The following IDE variants were observed in gnomAD, a reference collection of about 807,000 sequenced individuals.
The protein encoded by IDE is insulin degrading enzyme, also known as insulin-degrading enzyme.
IDE carries 58 observed loss-of-function variants against 133.2 expected under a neutral mutation model. The ratio of observed to expected loss-of-function variants is 0.44; its 90% CI spans 0.35 to 0.54. The LOEUF is 0.54. Ranked by LOEUF, IDE falls within the 20% of genes least tolerant of loss-of-function variation. The probability of loss-of-function intolerance (pLI) is 0.00; values close to 1 mark genes in which losing one functional copy is unlikely to be tolerated. For synonymous variants in IDE, 396 were observed against 421.3 expected, an observed-to-expected ratio of 0.94 and a Z score of 0.73; for missense variants, 981 against 1,234.0, an observed-to-expected ratio of 0.79 and a Z score of 3.07.
chr10:92,456,217 C>T lies in IDE; in HGVS notation c.2896+142G>A, dbSNP rs1844997948. 6.2e-6 allele frequency: 4 copies of T among 649,632 alleles called. No homozygotes were observed. In the South Asian group the frequency reaches 7.2e-5, roughly 12 times the overall value. 40.2% of individuals were successfully genotyped at this position (649,632 alleles called of 1,614,324 possible). On this transcript the variant is annotated intron_variant, in intron 23 of 24. Transcript: ENST00000265986. ...CCTTCACTACCTCATTTCTCTTTTC[C>T]CCTTATATCTGCAGACCTTATCTCC...
At chr10:92,559,134 A>G (rs1436461154) in intron 1 of IDE, 1 of 152,210 alleles carries the variant, frequency 6.6e-6, no homozygotes, top group Non-Finnish European at 1.5e-5. Flanking sequence ...GTTGTCAAGG[A>G]TATAGAGAAA....
chr10:92,557,409 G>A lies in IDE; in HGVS notation c.98+16513C>T, dbSNP rs141339743. Among the ~76,000 whole-genome samples, 313 of 152,120 alleles carry A rather than the reference G, an allele frequency of 2.1e-3. 6 individuals are homozygous for A. Among genetic ancestry groups the A allele is most frequent in the African/African-American group, 7.3e-3 (304 of 41,494 alleles). ...AAATTAGCCAGGCTTGGTGGCGGGC[G>A]CCTGTAGTCCCAGCTACTCAGGAGG... On this transcript the variant is annotated intron_variant, in intron 1 of 24. Transcript: ENST00000265986.
chr10:92,460,985 C>T (rs1157873464), intron 22 of IDE, among the ~76,000 whole-genome samples: 2 of 152,048 alleles, frequency 1.3e-5, no homozygotes, highest in Non-Finnish European at 1.5e-5. Context: ...GGATTACAGG[C>T]GTATGCCACT....
At chr10:92,569,877 A>C (rs191942504) in intron 1 of IDE, among the ~76,000 whole-genome samples, 2 of 152,118 alleles carry the variant, frequency 1.3e-5, no homozygotes, top group African/African-American at 4.8e-5. Context: ...TGGGAGGCCA[A>C]GGTGGGCAGA....
At chr10:92,525,064 C>G (rs1289474066) in intron 4 of IDE, among the ~76,000 whole-genome samples, 2 of 152,164 alleles carry the variant, frequency 1.3e-5, no homozygotes, top group African/African-American at 4.8e-5. Flanking sequence ...AGTTCAAGAC[C>G]AGCCTTGCCA....
intron 6 of IDE, 69 bp downstream of exon 6, chr10:92,509,981 C>T: frequency 1.6e-6 from 1 of 642,102 alleles, no homozygotes; most frequent in South Asian, 2.1e-5. Flanking sequence ...TTCACCTGTT[C>T]TATGGTAAAC....
At chr10:92,555,030 T>C (rs1400006437) in intron 1 of IDE, 2 of 152,196 alleles carry the variant, frequency 1.3e-5, no homozygotes, top group African/African-American at 2.4e-5. Flanking sequence ...CTCCATTGTG[T>C]ACTTCAGTAC....
chr10:92,490,630 A>C (rs772510828), intron 11 of IDE, 35 bp from the exon 12 acceptor site: 1 of 1,217,914 alleles, frequency 8.2e-7, no homozygotes, highest in Non-Finnish European at 1.2e-6. Flanking sequence ...AAAACCCTGT[A>C]AACTCATACT....
intron 1 of IDE, among the ~76,000 whole-genome samples, chr10:92,555,743 G>A (rs1390104248): frequency 3.3e-5 from 5 of 152,144 alleles, no homozygotes. Flanking sequence ...ACTTAATGGT[G>A]ACAGATAATG....
At chr10:92,478,994 C>A (rs1846438370) in intron 15 of IDE, among the ~76,000 whole-genome samples, 1 of 151,908 alleles carries the variant, frequency 6.6e-6, no homozygotes. Context: ...TGGGTAAGAG[C>A]TAAACCTAAA....
intron 3 of IDE, among the ~76,000 whole-genome samples, chr10:92,532,376 CA>C (rs1384441266): frequency 6.6e-6 from 1 of 151,778 alleles, no homozygotes; most frequent in South Asian, 2.1e-4. Flanking sequence ...CACCTTAGGA[CA>C]AACAAGTGAC....
chr10:92,511,796 G>C (rs1848645952), intron 5 of IDE, among the ~76,000 whole-genome samples: 1 of 152,124 alleles, frequency 6.6e-6, no homozygotes, highest in Non-Finnish European at 1.5e-5. Context: ...AATGGAGAAG[G>C]AATATTGTAG....
At position 92,487,185 on chromosome 10, in the gene IDE, A is replaced by T; in HGVS notation, c.1656+11T>A. On this transcript the variant is annotated intron_variant, in intron 13 of 24. Transcript: ENST00000265986. ...CCCCCAAATTTAAAATCACTGATTC[A>T]AACACATTACCTTAATAAGAGCAGG... 6.2e-7 allele frequency: 1 copy of T among 1,604,760 alleles called. No homozygotes were observed. The highest frequency in any genetic ancestry group is 8.5e-7 in the Non-Finnish European group (1 of 1,177,360).
At chr10:92,520,411 G>A (rs1849160013) in intron 4 of IDE, among the ~76,000 whole-genome samples, 2 of 152,048 alleles carry the variant, frequency 1.3e-5, no homozygotes, top group African/African-American at 4.8e-5. Flanking sequence ...ATACTGGGAA[G>A]GAATGAGTTT....
intron 2 of IDE, among the ~76,000 whole-genome samples, 164 bp downstream of exon 2, chr10:92,537,202 A>G (rs1418990459): frequency 6.6e-6 from 1 of 152,230 alleles, no homozygotes. Flanking sequence ...TATTTGACTG[A>G]AACAACTGCA....
intron 12 of IDE, among the ~76,000 whole-genome samples, chr10:92,487,996 T>C (rs1304891888): frequency 1.3e-5 from 2 of 152,116 alleles, no homozygotes; most frequent in African/African-American, 4.8e-5. Context: ...TGGGTTTCAC[T>C]GTTGCCCAGG....
intron 1 of IDE, among the ~76,000 whole-genome samples, chr10:92,555,129 A>C (rs1001349609): frequency 3.3e-5 from 5 of 152,222 alleles, no homozygotes; most frequent in African/African-American, 1.2e-4. Flanking sequence ...AACAAGCATG[A>C]CAAGGATGCC....
At chr10:92,544,167 A>C (rs1842432470) in intron 1 of IDE, among the ~76,000 whole-genome samples, 1 of 150,634 alleles carries the variant, frequency 6.6e-6, no homozygotes, top group Non-Finnish European at 1.5e-5. Flanking sequence ...CAGGAAGCGG[A>C]GGTTGCAGTG....
rs868468387 is a variant in IDE at position 92,529,137 on chromosome 10, C to A, written c.661+2611G>T. Among the ~76,000 whole-genome samples, 6 of 152,068 alleles carry A rather than the reference C, an allele frequency of 3.9e-5. No individual in the cohort carries two copies. In the South Asian group the frequency reaches 8.3e-4, roughly 21 times the overall value. On this transcript the variant is annotated intron_variant, in intron 4 of 24. Transcript: ENST00000265986. ...ATCCCCTGATGAACAAAGTGGCCCA[C>A]ACTCACAAAAACATCTGAGGCCAAA...
Sources: gnomAD v4.1 joint callset for allele counts (sites outside exome capture counted in the v4.1 genomes callset) on GRCh38, gnomAD v4.1.1 for gene constraint, MANE v1.5 for transcripts, NCBI Gene and HGNC (gene_info 2026-07-23, HGNC 2026-07-21) for gene names.